ABHD12: variants seen among roughly 807,000 people sequenced by gnomAD.
The protein encoded by ABHD12 is abhydrolase domain containing 12, lysophospholipase, also known as lysophosphatidylserine lipase ABHD12.
A neutral mutation model predicts 58.3 loss-of-function variants in ABHD12; 43 were observed. That is an observed-to-expected ratio of 0.74 (90% CI 0.58 to 0.95). The LOEUF is 0.95. ABHD12 is among the 40% of genes least tolerant of loss of function. The probability of loss-of-function intolerance (pLI) is 0.00; values close to 1 mark genes in which losing one functional copy is unlikely to be tolerated. For synonymous variants in ABHD12, 219 were observed against 211.2 expected, an observed-to-expected ratio of 1.04 and a Z score of -0.32; for missense variants, 539 against 537.2, an observed-to-expected ratio of 1.00 and a Z score of -0.03.
At chr20:25,305,060 C>CGG (rs1200155747) in intron 10 of ABHD12, among the ~76,000 whole-genome samples, 5 of 151,858 alleles carry the variant, frequency 3.3e-5, no homozygotes, top group Admixed American at 1.3e-4. Context: ...TCAGTTGAGA[C>CGG]GGGGTTCACC....
chr20:25,335,841 A>T (rs1052500242), intron 2 of ABHD12, among the ~76,000 whole-genome samples: 1 of 146,702 alleles, frequency 6.8e-6, no homozygotes, highest in Non-Finnish European at 1.5e-5. Context: ...TAGCATTGGG[A>T]GATATACCTA....
chr20:25,329,849 A>G (rs1198055599), intron 2 of ABHD12, among the ~76,000 whole-genome samples: 1 of 152,176 alleles, frequency 6.6e-6, no homozygotes, highest in African/African-American at 2.4e-5. Context: ...AAAAAAGGGG[A>G]TAAGAAAAGA....
At chr20:25,326,097 A>C (rs1262839936) in intron 2 of ABHD12, among the ~76,000 whole-genome samples, 1 of 146,764 alleles carries the variant, frequency 6.8e-6, no homozygotes, top group Non-Finnish European at 1.5e-5. Flanking sequence ...AGAAAAAAGA[A>C]AGGAAAGAAG....
chr20:25,301,320 A>G (rs1281620187), intron 12 of ABHD12, among the ~76,000 whole-genome samples: 2 of 152,242 alleles, frequency 1.3e-5, no homozygotes, highest in Non-Finnish European at 2.9e-5. Context: ...AGTTTGCAGT[A>G]GAATTACTCA....
chr20:25,384,184 T>C (rs1021353629), intron 1 of ABHD12, among the ~76,000 whole-genome samples: 7 of 150,490 alleles, frequency 4.7e-5, no homozygotes, highest in Non-Finnish European at 8.9e-5. Flanking sequence ...ATTTGCCCAG[T>C]ACCTCCTCAC....
At chr20:25,325,744 C>G (rs1366997011) in intron 2 of ABHD12, among the ~76,000 whole-genome samples, 1 of 152,140 alleles carries the variant, frequency 6.6e-6, no homozygotes, top group East Asian at 1.9e-4. Flanking sequence ...TTAAGCCACT[C>G]AGTTTGCAGG....
chr20:25,384,982 T>C (rs1447851811), intron 1 of ABHD12, among the ~76,000 whole-genome samples: 2 of 152,168 alleles, frequency 1.3e-5, no homozygotes, highest in East Asian at 1.9e-4. Flanking sequence ...TGTGTGTATA[T>C]ATATTTCCCC....
chr20:25,367,448 C>T (rs1340634810), intron 1 of ABHD12, among the ~76,000 whole-genome samples: 1 of 152,196 alleles, frequency 6.6e-6, no homozygotes, highest in South Asian at 2.1e-4. Flanking sequence ...ACCATTTTCA[C>T]GTGTACAGTT....
At chr20:25,318,079 G>A (rs1173627095) in intron 4 of ABHD12, among the ~76,000 whole-genome samples, 2 of 152,250 alleles carry the variant, frequency 1.3e-5, no homozygotes, top group Admixed American at 6.5e-5. Context: ...CACTTTGGGA[G>A]GCCGAGGTGA....
intron 1 of ABHD12, among the ~76,000 whole-genome samples, chr20:25,389,199 T>C (rs1384269449): frequency 1.3e-5 from 2 of 152,220 alleles, no homozygotes; most frequent in African/African-American, 2.4e-5. Flanking sequence ...CATGAGTTTT[T>C]AATGCAGATA....
chr20:25,308,799 C>G (rs1346419320), intron 7 of ABHD12, among the ~76,000 whole-genome samples: 1 of 152,218 alleles, frequency 6.6e-6, no homozygotes, highest in Non-Finnish European at 1.5e-5. Context: ...GGGTGGCCAG[C>G]GTCTGCCTGC....
chr20:25,308,401 A>G lies in ABHD12; in HGVS notation c.787+56T>C, dbSNP rs2088786063. The G allele has an allele frequency of 3.1e-6, 5 of 1,593,068 alleles. No individual in the cohort carries two copies. The East Asian group carries it at 9.0e-5, about 29-fold the overall frequency. ...GCTGAGCACTTGCAGCAGGGCCGGG[A>G]CTGGGGAGCACCCTGAATGCTCACT... On this transcript the variant is annotated intron_variant, in intron 8 of 12. Transcript: ENST00000339157.
intron 2 of ABHD12, 48 bp from the exon 3 acceptor site, chr20:25,323,478 C>A: frequency 9.0e-7 from 1 of 1,114,444 alleles, no homozygotes; most frequent in Non-Finnish European, 1.4e-6. Flanking sequence ...TGGATGAATA[C>A]ACACATGTAC....
intron 7 of ABHD12, among the ~76,000 whole-genome samples, chr20:25,308,940 A>G (rs1197031429): frequency 2.6e-5 from 4 of 152,186 alleles, no homozygotes; most frequent in Non-Finnish European, 4.4e-5. Context: ...CCAGCCTACA[A>G]GAGGCCATTC....
Position 25,370,232 on chromosome 20 carries a change from T to C in ABHD12, c.191+20281A>G, listed in dbSNP as rs2089883114. Among the ~76,000 whole-genome samples, 3 of 152,098 alleles carry C rather than the reference T, an allele frequency of 2.0e-5. 1 individual carries two copies. The highest frequency in any genetic ancestry group is 2.1e-4 in the South Asian group (1 of 4,828). ...CCCAGTGATTACTGGGGTACACAGG[T>C]CTCCCTGGAGGTCTTGCTTCCCTAC... On this transcript the variant is annotated intron_variant, in intron 1 of 12. Coordinates refer to ENST00000339157, the MANE Select transcript of ABHD12 (RefSeq NM_001042472.3).
chr20:25,372,726 A>G lies in ABHD12; in HGVS notation c.191+17787T>C, dbSNP rs530815828. 9.2e-5 allele frequency among the ~76,000 whole-genome samples: 14 copies of G among 152,352 alleles called. 1 individual carries two copies. The South Asian group carries it at 2.9e-3, about 32-fold the overall frequency. ...CATATGATTATAATAGAACTAAAAA[A>G]TTCCTATTGCCTAATGTCATGGCTG... is the stretch of plus-strand genomic sequence containing the variant. On this transcript the variant is annotated intron_variant, in intron 1 of 12. Transcript: ENST00000339157.
intron 11 of ABHD12, 117 bp downstream of exon 11, chr20:25,303,433 G>C (rs2088675102): frequency 6.5e-7 from 1 of 1,536,044 alleles, no homozygotes; most frequent in African/African-American, 1.4e-5. Flanking sequence ...CTGGTGCGCA[G>C]CCCGTGATGC....
At chr20:25,309,205 A>C (rs2088802934) in intron 7 of ABHD12, among the ~76,000 whole-genome samples, 1 of 151,806 alleles carries the variant, frequency 6.6e-6, no homozygotes, top group Non-Finnish European at 1.5e-5. Context: ...CTCCCTAGGG[A>C]GACCCCTCGA....
Position 25,331,337 on chromosome 20 carries a change from C to T in ABHD12, c.316+7890G>A, listed in dbSNP as rs574813676. Among the ~76,000 whole-genome samples, 3 of 152,208 alleles carry T rather than the reference C, an allele frequency of 2.0e-5. No individual in the cohort carries two copies. In the South Asian group the frequency reaches 6.2e-4, roughly 32 times the overall value. ...ACCAAATCTACGTCTGATTGGTGTA[C>T]CTGAAAGTGACGGGGAGAATGGAAC... On this transcript the variant is annotated intron_variant, in intron 2 of 12. Coordinates refer to ENST00000339157, the MANE Select transcript of ABHD12 (RefSeq NM_001042472.3).
Sources: gnomAD v4.1 joint callset for allele counts (sites outside exome capture counted in the v4.1 genomes callset) on GRCh38, gnomAD v4.1.1 for gene constraint, MANE v1.5 for transcripts, NCBI Gene and HGNC (gene_info 2026-07-23, HGNC 2026-07-21) for gene names.